RTF1: variants seen among roughly 807,000 people sequenced by gnomAD.
RTF1 encodes RNA polymerase-associated protein RTF1 homolog.
RTF1 carries 10 observed loss-of-function variants against 95.7 expected under a neutral mutation model. The ratio of observed to expected loss-of-function variants is 0.10; its 90% CI spans 0.06 to 0.18. RTF1 has a LOEUF of 0.18. Among genes scored for constraint, RTF1 ranks in the 10% least tolerant of loss-of-function variants. The pLI is 1.00. For synonymous variants in RTF1, 305 were observed against 311.8 expected (o/e 0.98, Z 0.23); for missense variants, 458 against 875.6 (o/e 0.52, Z 6.02).
intron 1 of RTF1, among the ~76,000 whole-genome samples, chr15:41,423,353 A>T (rs1470415485): frequency 1.3e-5 from 2 of 152,176 alleles, no homozygotes; most frequent in East Asian, 3.9e-4. Context: ...TCAAAGAGTG[A>T]GTCCCATGGG....
chr15:41,435,390 A>G (rs1220578054), intron 1 of RTF1, among the ~76,000 whole-genome samples: 1 of 149,512 alleles, frequency 6.7e-6, no homozygotes, highest in Non-Finnish European at 1.5e-5. Flanking sequence ...TTTTTTTTTT[A>G]TAGAGACTGG....
Position 41,481,000 on chromosome 15 carries a change from G to C in RTF1, c.*313G>C. 1 of 298,190 alleles carries C rather than the reference G, an allele frequency of 3.4e-6. No homozygotes were observed. Among genetic ancestry groups the C allele is most frequent in the Non-Finnish European group, 6.5e-6 (1 of 153,246 alleles). 18.5% of individuals were successfully genotyped at this position (298,190 alleles called of 1,614,324 possible). ...GCGCAGTTCATTGGCCACTCTGCAC[G>C]CATTCAGTATTACCATGGAGCTGGG... is the stretch of plus-strand genomic sequence containing the variant. On this transcript the variant is annotated 3_prime_UTR_variant, in exon 18 of 18. Transcript: ENST00000389629.
intron 7 of RTF1, 113 bp downstream of exon 7, chr15:41,470,505 CT>C (rs1480346894): frequency 1.2e-5 from 14 of 1,120,282 alleles, no homozygotes; most frequent in Non-Finnish European, 1.8e-5. Context: ...ACATGGTTAC[CT>C]TTGGTTTGCT....
At chr15:41,428,599 G>T (rs1394763527) in intron 1 of RTF1, among the ~76,000 whole-genome samples, 7 of 150,180 alleles carry the variant, frequency 4.7e-5, no homozygotes, top group Non-Finnish European at 7.4e-5. Flanking sequence ...TGAAGACAGG[G>T]TCTCACTCTG....
In RTF1 at chr15:41,460,962, C is replaced by T. The variant is rs149228948; in HGVS notation, c.662+3086C>T. Reference sequence around the variant, plus strand: ...CACGATCTTGGCTCACTGCAACCTCCGCCTACCAGGTTCAGTGATTCTCCT... The same window carrying T: ...CACGATCTTGGCTCACTGCAACCTCTGCCTACCAGGTTCAGTGATTCTCCT... On this transcript the variant is annotated intron_variant, in intron 4 of 17. Coordinates refer to ENST00000389629, the MANE Select transcript of RTF1 (RefSeq NM_015138.5). Among the ~76,000 whole-genome samples the T allele has an allele frequency of 6.8e-3, 1,034 of 151,254 alleles. 10 individuals are homozygous for T. Among genetic ancestry groups the T allele is most frequent in the African/African-American group, 0.024 (983 of 41,160 alleles).
At chr15:41,444,663 T>C (rs1226402516) in intron 2 of RTF1, among the ~76,000 whole-genome samples, 1 of 152,176 alleles carries the variant, frequency 6.6e-6, no homozygotes, top group Non-Finnish European at 1.5e-5. Context: ...GTTCTTGTAC[T>C]GTGAAAAAAT....
At chr15:41,454,053 T>C (rs1324587076) in intron 3 of RTF1, among the ~76,000 whole-genome samples, 1 of 152,184 alleles carries the variant, frequency 6.6e-6, no homozygotes, top group Non-Finnish European at 1.5e-5. Flanking sequence ...AATTCACTAA[T>C]CAATTTTTAA....
At position 41,438,392 on chromosome 15, in the gene RTF1, A is replaced by G. The variant is rs762250889; in HGVS notation, c.270A>G (p.Ala90=). 18 of 1,551,154 alleles carry G rather than the reference A, an allele frequency of 1.2e-5. No individual in the cohort carries two copies. The African/African-American group carries it at 2.5e-4, about 21-fold the overall frequency. Residue 90 remains alanine, a synonymous_variant, in exon 2 of 18, where the codon GCA becomes GCG. Transcript: ENST00000389629. ...AGGAGCCGCCTGTGAGTCAGCCTGC[A>G]GCCTCGTCAGACTCGGAGACGTCTG... ...EEKEPPVSQP[A]ASSDSETSDS...
intron 4 of RTF1, among the ~76,000 whole-genome samples, chr15:41,461,766 G>GT: frequency 6.6e-6 from 1 of 151,864 alleles, no homozygotes; most frequent in Non-Finnish European, 1.5e-5. Context: ...TGGGATTACA[G>GT]GTGTGAGCCA....
At chr15:41,453,983 T>C (rs1438490634) in intron 3 of RTF1, among the ~76,000 whole-genome samples, 2 of 152,210 alleles carry the variant, frequency 1.3e-5, no homozygotes, top group Non-Finnish European at 2.9e-5. Context: ...TCAATACTCA[T>C]TGTACTCACA....
chr15:41,450,166 A>G (rs2140957187), intron 2 of RTF1, among the ~76,000 whole-genome samples: 1 of 152,296 alleles, frequency 6.6e-6, no homozygotes, highest in East Asian at 1.9e-4. Flanking sequence ...ACTGCATTCC[A>G]GCCTGGTCAA....
At chr15:41,461,340 C>T (rs1287289114) in intron 4 of RTF1, among the ~76,000 whole-genome samples, 1 of 152,132 alleles carries the variant, frequency 6.6e-6, no homozygotes, top group Non-Finnish European at 1.5e-5. Context: ...AGCCACTGTG[C>T]CTGGCCAATT....
intron 1 of RTF1, among the ~76,000 whole-genome samples, chr15:41,425,576 G>C (rs2050624816): frequency 6.6e-6 from 1 of 152,178 alleles, no homozygotes; most frequent in African/African-American, 2.4e-5. Context: ...CCAGATGAGA[G>C]ATGATGGAGA....
At chr15:41,472,458 C>T (rs1007084043) in intron 8 of RTF1, among the ~76,000 whole-genome samples, 5 of 152,074 alleles carry the variant, frequency 3.3e-5, no homozygotes, top group African/African-American at 9.7e-5. Context: ...CCACCTGTCT[C>T]GGCCTCCCAA....
chr15:41,425,504 A>G (rs552912878), intron 1 of RTF1, among the ~76,000 whole-genome samples: 1 of 152,244 alleles, frequency 6.6e-6, no homozygotes, highest in East Asian at 1.9e-4. Context: ...GATTTGCCTT[A>G]CCCAGACTAT....
chr15:41,448,386 G>A (rs2050773501), intron 2 of RTF1, among the ~76,000 whole-genome samples: 1 of 152,034 alleles, frequency 6.6e-6, no homozygotes, highest in Non-Finnish European at 1.5e-5. Flanking sequence ...GGAAATGTTG[G>A]CCGGGAACGG....
intron 1 of RTF1, among the ~76,000 whole-genome samples, chr15:41,433,475 C>CA (rs915343209): frequency 6.6e-6 from 1 of 152,014 alleles, no homozygotes; most frequent in African/African-American, 2.4e-5. Context: ...GCTAGGACTA[C>CA]AGGCGTGCGC....
chr15:41,435,728 A>G (rs1317896685), intron 1 of RTF1, among the ~76,000 whole-genome samples: 1 of 152,228 alleles, frequency 6.6e-6, no homozygotes, highest in Admixed American at 6.5e-5. Context: ...CCTAAAATAG[A>G]GACTGGAAGA....
chr15:41,477,691 G>A (rs1423552282), intron 14 of RTF1, 176 bp downstream of exon 14: 16 of 630,224 alleles, frequency 2.5e-5, no homozygotes. Flanking sequence ...ATGAAAAGCA[G>A]CAGTCTTCTG....
Sources: gnomAD v4.1 joint callset for allele counts (sites outside exome capture counted in the v4.1 genomes callset) on GRCh38, gnomAD v4.1.1 for gene constraint, MANE v1.5 for transcripts, NCBI Gene and HGNC (gene_info 2026-07-23, HGNC 2026-07-21) for gene names.